The following DAB1 variants were observed in gnomAD, a reference collection of about 807,000 sequenced individuals.
The protein encoded by DAB1 is disabled homolog 1.
DAB1 carries 15 observed loss-of-function variants against 64.6 expected under a neutral mutation model. That is an observed-to-expected ratio of 0.23 (90% CI 0.16 to 0.36). DAB1 has a LOEUF of 0.36. DAB1 is among the 10% of genes least tolerant of loss of function. The pLI, the probability that DAB1 is intolerant of heterozygous loss-of-function variation, is 1.00. For synonymous variants in DAB1, 235 were observed against 251.9 expected (o/e 0.93, Z 0.64); for missense variants, 596 against 706.7 (o/e 0.84, Z 1.78).
intron 1 of DAB1, among the ~76,000 whole-genome samples, chr1:57,833,398 A>T (rs1453803884): frequency 1.3e-5 from 2 of 152,176 alleles, no homozygotes; most frequent in East Asian, 3.9e-4. Flanking sequence ...TCTTATAATA[A>T]AGGAATCTTC....
At chr1:57,748,989 G>A (rs767947740) in intron 6 of DAB1, among the ~76,000 whole-genome samples, 1 of 152,220 alleles carries the variant, frequency 6.6e-6, no homozygotes, top group Non-Finnish European at 1.5e-5. Flanking sequence ...TTTCAGCAAA[G>A]CTGAGTGAGA....
chr1:58,042,677 G>A (rs1647154936), intron 5 of DAB1, among the ~76,000 whole-genome samples: 1 of 152,218 alleles, frequency 6.6e-6, no homozygotes, highest in Admixed American at 6.5e-5. Context: ...GACAGCATGT[G>A]CAAAGACTAT....
chr1:57,402,909 A>G (rs1683363141), intron 1 of DAB1, among the ~76,000 whole-genome samples: 1 of 152,180 alleles, frequency 6.6e-6, no homozygotes, highest in Admixed American at 6.5e-5. Context: ...AATTCACAGG[A>G]CAGAAAATCC....
intron 5 of DAB1, among the ~76,000 whole-genome samples, chr1:57,932,391 A>G (rs1644965517): frequency 6.6e-6 from 1 of 152,028 alleles, no homozygotes; most frequent in Admixed American, 6.6e-5. Context: ...TGTTCTTACT[A>G]AATTTTTGCC....
intron 6 of DAB1, among the ~76,000 whole-genome samples, chr1:57,679,692 C>G (rs1570731347): frequency 6.6e-6 from 1 of 152,142 alleles, no homozygotes; most frequent in African/African-American, 2.4e-5. Flanking sequence ...TCCAGGCCAT[C>G]ATATATATAA....
At chr1:58,121,189 A>G (rs1652714356) in intron 5 of DAB1, among the ~76,000 whole-genome samples, 1 of 152,044 alleles carries the variant, frequency 6.6e-6, no homozygotes, top group South Asian at 2.1e-4. Flanking sequence ...TTTTCAGGTT[A>G]TGATCATCAA....
At chr1:58,388,210 T>C (rs930923977) in intron 3 of DAB1, among the ~76,000 whole-genome samples, 3 of 152,132 alleles carry the variant, frequency 2.0e-5, no homozygotes, top group African/African-American at 7.2e-5. Context: ...GGGGTATCAT[T>C]TTCTGAGCTC....
chr1:58,018,117 A>G (rs1330093057), intron 5 of DAB1, among the ~76,000 whole-genome samples: 1 of 140,970 alleles, frequency 7.1e-6, no homozygotes, highest in Non-Finnish European at 1.5e-5. Context: ...ACTGCATTCT[A>G]AGTGCTTTTA....
At chr1:57,200,594 G>A (rs1423448075) in intron 2 of DAB1, among the ~76,000 whole-genome samples, 1 of 146,926 alleles carries the variant, frequency 6.8e-6, no homozygotes, top group African/African-American at 2.6e-5. Context: ...TAGGAGTGTG[G>A]TGAGGTCTAA....
At chr1:57,965,977 T>C (rs1320154224) in intron 5 of DAB1, among the ~76,000 whole-genome samples, 1 of 152,156 alleles carries the variant, frequency 6.6e-6, no homozygotes, top group Non-Finnish European at 1.5e-5. Context: ...TTATACTAAC[T>C]TGATGAGCTA....
At chr1:58,219,013 CTCTCTCTCTCTCTGTG>C (rs1320737104) in intron 4 of DAB1, among the ~76,000 whole-genome samples, 27 of 122,952 alleles carry the variant, frequency 2.2e-4, no homozygotes, top group Non-Finnish European at 4.3e-4. Context: ...CTCTCTCTCT[CTCTCTCTCTCTCTGTG>C]TGTGTGTGTG....
intron 3 of DAB1, among the ~76,000 whole-genome samples, chr1:58,502,362 T>C (rs1453884106): frequency 6.6e-6 from 1 of 152,236 alleles, no homozygotes; most frequent in Admixed American, 6.5e-5. Flanking sequence ...ATACTGTTAC[T>C]TTGATCTTTT....
At chr1:57,654,577 C>T (rs1444970887) in intron 6 of DAB1, among the ~76,000 whole-genome samples, 1 of 152,084 alleles carries the variant, frequency 6.6e-6, no homozygotes, top group Non-Finnish European at 1.5e-5. Context: ...AAATATTTTT[C>T]CTATGTGAAC....
chr1:57,395,635 A>G (rs1029296067), intron 1 of DAB1, among the ~76,000 whole-genome samples: 4 of 152,212 alleles, frequency 2.6e-5, no homozygotes, highest in African/African-American at 7.2e-5. Context: ...AGTAGCTCCT[A>G]GTCACGTGAA....
intron 1 of DAB1, among the ~76,000 whole-genome samples, chr1:57,378,759 G>A (rs927378364): frequency 1.3e-5 from 2 of 152,112 alleles, no homozygotes; most frequent in Admixed American, 6.5e-5. Flanking sequence ...TCACTAGAAT[G>A]TACAAAATTT....
At chr1:57,969,743 T>C (rs1244868189) in intron 5 of DAB1, among the ~76,000 whole-genome samples, 1 of 152,192 alleles carries the variant, frequency 6.6e-6, no homozygotes, top group Non-Finnish European at 1.5e-5. Flanking sequence ...ACAATCATCA[T>C]ATAGTACTTT....
intron 2 of DAB1, among the ~76,000 whole-genome samples, chr1:57,243,433 C>A (rs1370312874): frequency 6.6e-6 from 1 of 152,134 alleles, no homozygotes; most frequent in Non-Finnish European, 1.5e-5. Flanking sequence ...TTTCATTTAT[C>A]TTCTCCTGAC....
At chr1:58,112,512 C>T (rs1207538598) in intron 5 of DAB1, among the ~76,000 whole-genome samples, 1 of 152,198 alleles carries the variant, frequency 6.6e-6, no homozygotes. Flanking sequence ...ACTATTTTCT[C>T]TCCAGTAAAA....
chr1:57,276,676 C>T (rs565582692), intron 2 of DAB1, among the ~76,000 whole-genome samples: 12 of 152,254 alleles, frequency 7.9e-5, no homozygotes, highest in Admixed American at 2.0e-4. Flanking sequence ...TCTTCAATAA[C>T]AGGAGATATT....
Sources: allele counts gnomAD v4.1 joint callset (sites outside exome capture counted in the v4.1 genomes callset), GRCh38; gene constraint gnomAD v4.1.1; transcripts MANE v1.5; gene names NCBI Gene and HGNC (gene_info 2026-07-23, HGNC 2026-07-21).